The following CAMK1D variants were observed in gnomAD, a reference collection of about 807,000 sequenced individuals.
CAMK1D encodes calcium/calmodulin-dependent protein kinase type 1D.
Under a neutral mutation model 47.7 loss-of-function variants are expected in CAMK1D, and 9 were observed. The observed-to-expected ratio is 0.19, with a 90% CI of 0.11 to 0.33. The LOEUF is 0.33. Ranked by LOEUF, CAMK1D falls within the 10% of genes least tolerant of loss-of-function variation. The pLI, the probability that CAMK1D is intolerant of heterozygous loss-of-function variation, is 1.00. For missense variants in CAMK1D, 291 were observed against 488.7 expected (o/e 0.60, Z 3.81); for synonymous variants, 184 against 184.9 (o/e 0.99, Z 0.04).
chr10:12,624,653 T>C (rs1839150800), intron 2 of CAMK1D, among the ~76,000 whole-genome samples: 1 of 152,244 alleles, frequency 6.6e-6, no homozygotes. Context: ...GACATTTAGC[T>C]GTTACACCTC....
At chr10:12,791,941 A>G (rs1050467331) in intron 6 of CAMK1D, among the ~76,000 whole-genome samples, 2 of 152,194 alleles carry the variant, frequency 1.3e-5, no homozygotes, top group African/African-American at 2.4e-5. Context: ...CCAGCAGCAA[A>G]CACAAGGGTT....
chr10:12,386,487 T>C (rs879455584), intron 1 of CAMK1D, among the ~76,000 whole-genome samples: 2 of 147,440 alleles, frequency 1.4e-5, no homozygotes, highest in African/African-American at 2.5e-5. Flanking sequence ...AAAAAAAAAA[T>C]GAAACTGCTA....
At chr10:12,456,383 C>G (rs1410947281) in intron 1 of CAMK1D, 1 of 152,050 alleles carries the variant, frequency 6.6e-6, no homozygotes, top group African/African-American at 2.4e-5. Flanking sequence ...GAGGGGAAAC[C>G]TGTTAGCCTA....
chr10:12,570,868 C>G (rs2132314277), intron 2 of CAMK1D, among the ~76,000 whole-genome samples: 1 of 152,152 alleles, frequency 6.6e-6, no homozygotes, highest in Middle Eastern at 3.4e-3. Flanking sequence ...AGGAGAATAA[C>G]TTGAACCCAG....
chr10:12,607,122 G>T (rs977314664), intron 2 of CAMK1D, among the ~76,000 whole-genome samples: 5 of 152,166 alleles, frequency 3.3e-5, no homozygotes, highest in Admixed American at 2.0e-4. Context: ...ACCGCGCCTG[G>T]CCCAGAAGTA....
intron 3 of CAMK1D, among the ~76,000 whole-genome samples, chr10:12,716,606 C>A (rs1471970900): frequency 6.6e-6 from 1 of 152,172 alleles, no homozygotes; most frequent in African/African-American, 2.4e-5. Context: ...GCACACCCAG[C>A]ACCCTGCACC....
At chr10:12,515,615 CTT>C (rs10567496) in intron 1 of CAMK1D, among the ~76,000 whole-genome samples, 61,110 of 114,858 alleles carry the variant, frequency 0.53, 16,315 homozygotes, top group South Asian at 0.67. Context: ...TCCCCTTCCT[CTT>C]TTTTTTTTTT....
At chr10:12,617,871 C>T (rs1029105558) in intron 2 of CAMK1D, among the ~76,000 whole-genome samples, 15 of 152,144 alleles carry the variant, frequency 9.9e-5, no homozygotes, top group African/African-American at 3.6e-4. Context: ...CCAAATGAAA[C>T]GTGAAGTGGT....
At chr10:12,695,376 A>G (rs1339797549) in intron 3 of CAMK1D, among the ~76,000 whole-genome samples, 3 of 152,040 alleles carry the variant, frequency 2.0e-5, no homozygotes, top group Non-Finnish European at 4.4e-5. Flanking sequence ...CCAAAGAGCC[A>G]TGTCCTGCCT....
chr10:12,499,872 G>T (rs1356579691), intron 1 of CAMK1D, among the ~76,000 whole-genome samples: 1 of 152,154 alleles, frequency 6.6e-6, no homozygotes, highest in East Asian at 1.9e-4. Context: ...TTCAAGGAGA[G>T]GGAATGACAG....
chr10:12,754,703 C>T (rs1391618994), intron 3 of CAMK1D, among the ~76,000 whole-genome samples: 2 of 152,172 alleles, frequency 1.3e-5, no homozygotes, highest in Admixed American at 6.5e-5. Flanking sequence ...TCTCTTGAGG[C>T]GTCTTTCCTT....
At chr10:12,798,843 C>T (rs1556408) in intron 6 of CAMK1D, among the ~76,000 whole-genome samples, 54,649 of 152,062 alleles carry the variant, frequency 0.36, 10,145 homozygotes, top group East Asian at 0.52. Flanking sequence ...TAGCAGGACA[C>T]TGTGCACACA....
At chr10:12,641,274 A>G (rs1397139289) in intron 2 of CAMK1D, among the ~76,000 whole-genome samples, 25 of 152,210 alleles carry the variant, frequency 1.6e-4, no homozygotes, top group Admixed American at 1.6e-3. Context: ...CAGCCTTAAA[A>G]TACAGTTCTG....
At chr10:12,646,565 T>G (rs1468735924) in intron 2 of CAMK1D, among the ~76,000 whole-genome samples, 1 of 152,136 alleles carries the variant, frequency 6.6e-6, no homozygotes, top group Non-Finnish European at 1.5e-5. Context: ...TGACCGAACT[T>G]CCTTGCATCT....
At chr10:12,765,939 T>C (rs1055280027) in intron 4 of CAMK1D, among the ~76,000 whole-genome samples, 4 of 149,066 alleles carry the variant, frequency 2.7e-5, no homozygotes, top group South Asian at 4.3e-4. Flanking sequence ...CATGAAAAGC[T>C]GGCTGCCCCC....
At chr10:12,600,166 G>A (rs1838258959) in intron 2 of CAMK1D, among the ~76,000 whole-genome samples, 1 of 152,112 alleles carries the variant, frequency 6.6e-6, no homozygotes, top group South Asian at 2.1e-4. Flanking sequence ...ATAGAAGTTT[G>A]TAAAAATACC....
intron 2 of CAMK1D, among the ~76,000 whole-genome samples, chr10:12,589,634 G>A (rs7093225): frequency 0.58 from 87,907 of 152,016 alleles, 25,842 homozygotes; most frequent in East Asian, 0.78. Context: ...AAAATGTCTC[G>A]TCTTCAGAAA....
At chr10:12,363,953 T>C (rs1837759305) in intron 1 of CAMK1D, among the ~76,000 whole-genome samples, 1 of 152,148 alleles carries the variant, frequency 6.6e-6, no homozygotes, top group Admixed American at 6.5e-5. Flanking sequence ...TCCAGTTCTT[T>C]TGGGTGTATA....
intron 3 of CAMK1D, among the ~76,000 whole-genome samples, chr10:12,726,032 C>T (rs1233744243): frequency 6.6e-6 from 1 of 151,970 alleles, no homozygotes; most frequent in Non-Finnish European, 1.5e-5. Flanking sequence ...ATTGGCATTA[C>T]AGGCATGAGC....
Sources: allele counts gnomAD v4.1 joint callset (sites outside exome capture counted in the v4.1 genomes callset), GRCh38; gene constraint gnomAD v4.1.1; transcripts MANE v1.5; gene names NCBI Gene and HGNC (gene_info 2026-07-23, HGNC 2026-07-21).